CLASP2: variants seen among roughly 807,000 people sequenced by gnomAD.
The protein encoded by CLASP2 is CLIP-associating protein 2.
A neutral mutation model predicts 194.4 loss-of-function variants in CLASP2; 47 were observed. The ratio of observed to expected loss-of-function variants is 0.24; its 90% CI spans 0.19 to 0.31. CLASP2 has a LOEUF of 0.31. CLASP2 is among the 10% of genes least tolerant of loss of function. The probability of loss-of-function intolerance (pLI) is 1.00; values close to 1 mark genes in which losing one functional copy is unlikely to be tolerated. For synonymous variants in CLASP2, 619 were observed against 633.5 expected (o/e 0.98, Z 0.34); for missense variants, 1,445 against 1,823.6 (o/e 0.79, Z 3.78).
At chr3:33,682,527 TAAA>T in intron 6 of CLASP2, among the ~76,000 whole-genome samples, 1 of 152,236 alleles carries the variant, frequency 6.6e-6, no homozygotes. Context: ...TAAAAAGTTT[TAAA>T]AAATTCCTTT....
At chr3:33,662,391 A>G (rs1167346259) in intron 7 of CLASP2, among the ~76,000 whole-genome samples, 1 of 152,204 alleles carries the variant, frequency 6.6e-6, no homozygotes, top group African/African-American at 2.4e-5. Context: ...GACAGAGGTA[A>G]CTGCTAGAAA....
intron 17 of CLASP2, among the ~76,000 whole-genome samples, chr3:33,603,693 A>G (rs1302188030): frequency 6.6e-6 from 1 of 151,766 alleles, no homozygotes. Context: ...CGCGATCTCG[A>G]CTCACTGCAA....
intron 1 of CLASP2, among the ~76,000 whole-genome samples, chr3:33,717,168 G>A (rs779041766): frequency 6.6e-6 from 1 of 152,020 alleles, no homozygotes; most frequent in Non-Finnish European, 1.5e-5. Flanking sequence ...ACCTAAAATC[G>A]TATCCTAATG....
chr3:33,577,374 A>G, intron 23 of CLASP2: 1 of 822,966 alleles, frequency 1.2e-6, no homozygotes, highest in Non-Finnish European at 1.9e-6. Flanking sequence ...TATTCTTTAT[A>G]GTTAATGATC....
chr3:33,680,228 G>A (rs1401274190), intron 6 of CLASP2, among the ~76,000 whole-genome samples: 1 of 152,162 alleles, frequency 6.6e-6, no homozygotes, highest in Non-Finnish European at 1.5e-5. Flanking sequence ...GAAACATTAC[G>A]GATTTTTAAG....
chr3:33,700,032 A>G (rs1355299098), intron 1 of CLASP2, among the ~76,000 whole-genome samples: 1 of 152,204 alleles, frequency 6.6e-6, no homozygotes, highest in African/African-American at 2.4e-5. Flanking sequence ...ATCACAAGAA[A>G]TGTTAAGGGA....
At chr3:33,640,705 T>C (rs2081124017) in intron 8 of CLASP2, among the ~76,000 whole-genome samples, 1 of 152,106 alleles carries the variant, frequency 6.6e-6, no homozygotes, top group Non-Finnish European at 1.5e-5. Context: ...TCAACCCTTA[T>C]TTTTTTAAAA....
intron 34 of CLASP2, among the ~76,000 whole-genome samples, chr3:33,529,851 G>A (rs1245354433): frequency 6.6e-6 from 1 of 151,994 alleles, no homozygotes; most frequent in Non-Finnish European, 1.5e-5. Context: ...AGTGGCGGGC[G>A]CCTGTAGTCC....
At chr3:33,529,442 C>G (rs578073880) in intron 34 of CLASP2, among the ~76,000 whole-genome samples, 6 of 152,230 alleles carry the variant, frequency 3.9e-5, no homozygotes, top group Admixed American at 3.9e-4. Flanking sequence ...GATACAGTAA[C>G]CAAAACAGCA....
At chr3:33,501,536 T>C (rs2046853783) in intron 38 of CLASP2, 116 bp downstream of exon 38, 1 of 619,214 alleles carries the variant, frequency 1.6e-6, no homozygotes. Context: ...GCAAGTTGGA[T>C]GCTCAAAGCC....
Position 33,576,243 on chromosome 3 carries a change from G to A in CLASP2, c.2380C>T (p.Leu794=). 1.9e-6 allele frequency: 3 copies of A among 1,613,756 alleles called. No homozygotes were observed. Among genetic ancestry groups the A allele is most frequent in the Non-Finnish European group, 2.5e-6 (3 of 1,179,752 alleles). The part of the protein sequence containing the change: ...PGYGISQSSR[L]SSSVSAMRVL... ...CGCATGGCACTAACAGAAGACGACA[G>A]TCGACTTGATTGGCTGATCCCATAA... Residue 794 remains leucine (L), a synonymous_variant, in exon 24 of 39, where the codon CTG becomes TTG. Transcript: ENST00000682230.
chr3:33,636,625 A>G (rs2080195147), intron 8 of CLASP2, among the ~76,000 whole-genome samples: 3 of 152,188 alleles, frequency 2.0e-5, no homozygotes, highest in African/African-American at 7.2e-5. Context: ...TTATTGCGAC[A>G]GAGTTTCGCT....
chr3:33,643,722 T>C lies in CLASP2; in HGVS notation c.862+1035A>G, dbSNP rs557820641. Reference sequence around the variant, plus strand: ...AATGAAATACTTATGATAGTTTTTCTATATTTAGAATCTCACATGATGGGA... The same window carrying C: ...AATGAAATACTTATGATAGTTTTTCCATATTTAGAATCTCACATGATGGGA... On this transcript the variant is annotated intron_variant, in intron 8 of 38. Coordinates refer to ENST00000682230, the MANE Select transcript of CLASP2 (RefSeq NM_001365631.1). Among the ~76,000 whole-genome samples the C allele has an allele frequency of 3.3e-5, 5 of 152,140 alleles. No individual in the cohort carries two copies. The South Asian group carries it at 1.0e-3, about 32-fold the overall frequency.
chr3:33,548,372 A>G (rs1406617189), intron 30 of CLASP2, among the ~76,000 whole-genome samples: 1 of 151,970 alleles, frequency 6.6e-6, no homozygotes, highest in Non-Finnish European at 1.5e-5. Flanking sequence ...ATCTCGGCTC[A>G]CTACAACCTC....
chr3:33,572,519 G>T (rs2063974891), intron 25 of CLASP2, among the ~76,000 whole-genome samples: 1 of 152,102 alleles, frequency 6.6e-6, no homozygotes, highest in East Asian at 1.9e-4. Context: ...TCTCAAAGGG[G>T]TCAACTATAG....
At chr3:33,520,418 CCAAA>C (rs1479221872) in intron 34 of CLASP2, among the ~76,000 whole-genome samples, 1 of 152,102 alleles carries the variant, frequency 6.6e-6, no homozygotes, top group Non-Finnish European at 1.5e-5. Flanking sequence ...ACACAGATTC[CCAAA>C]CAAACTATAA....
chr3:33,524,085 C>CT (rs1309337582), intron 34 of CLASP2, among the ~76,000 whole-genome samples: 1 of 151,960 alleles, frequency 6.6e-6, no homozygotes, highest in Non-Finnish European at 1.5e-5. Flanking sequence ...GAAGTAAGTC[C>CT]TTTCTTATCA....
intron 13 of CLASP2, among the ~76,000 whole-genome samples, chr3:33,609,019 C>T (rs2074532516): frequency 6.6e-6 from 1 of 152,058 alleles, no homozygotes; most frequent in Admixed American, 6.5e-5. Flanking sequence ...GTGGTTCATG[C>T]CTGTAATCTC....
chr3:33,623,887 AATACAAT>A (rs2077530902), intron 10 of CLASP2, among the ~76,000 whole-genome samples: 1 of 152,124 alleles, frequency 6.6e-6, no homozygotes, highest in South Asian at 2.1e-4. Context: ...TGGTTTATAC[AATACAAT>A]ACAAACCCAC....
Sources: allele counts gnomAD v4.1 joint callset (sites outside exome capture counted in the v4.1 genomes callset), GRCh38; gene constraint gnomAD v4.1.1; transcripts MANE v1.5; gene names NCBI Gene and HGNC (gene_info 2026-07-23, HGNC 2026-07-21).